ALDH3B2: variants seen among roughly 807,000 people sequenced by gnomAD.
ALDH3B2 encodes the protein aldehyde dehydrogenase family 3 member B2.
A neutral mutation model predicts 36.7 loss-of-function variants in ALDH3B2; 45 were observed. The ratio of observed to expected loss-of-function variants is 1.23; its 90% CI spans 0.97 to 1.57. ALDH3B2 has a LOEUF of 1.57. Ranked by LOEUF, ALDH3B2 falls within the 40% of genes most tolerant of loss-of-function variation. ALDH3B2 has a pLI of 0.00. For synonymous variants in ALDH3B2, 217 were observed against 226.5 expected, an observed-to-expected ratio of 0.96 and a Z score of 0.38; for missense variants, 464 against 513.3, an observed-to-expected ratio of 0.90 and a Z score of 0.93.
upstream of ALDH3B2, among the ~76,000 whole-genome samples, chr11:67,678,509 T>C (rs964438844): frequency 3.9e-5 from 6 of 152,056 alleles, no homozygotes; most frequent in African/African-American, 7.3e-5. Flanking sequence ...GCTGAAACTA[T>C]ACAAATTCTA....
At chr11:67,673,478 T>C (rs1335691336) in intron 1 of ALDH3B2, among the ~76,000 whole-genome samples, 1 of 151,492 alleles carries the variant, frequency 6.6e-6, no homozygotes, top group Non-Finnish European at 1.5e-5. Context: ...GGGGAAGCCG[T>C]AGGGGAGGGC....
chr11:67,672,316 C>T (rs1167906985), intron 1 of ALDH3B2, among the ~76,000 whole-genome samples: 13 of 150,428 alleles, frequency 8.6e-5, no homozygotes, highest in Admixed American at 6.6e-5. Context: ...CCACCATGCC[C>T]GGCTAATTTT....
intron 2 of ALDH3B2, 75 bp downstream of exon 2, chr11:67,667,397 AG>A: frequency 2.9e-6 from 1 of 347,228 alleles, no homozygotes. Context: ...GCCAGTCACT[AG>A]GGGGCACGGG....
intron 1 of ALDH3B2, among the ~76,000 whole-genome samples, chr11:67,672,587 A>G (rs910418389): frequency 2.0e-5 from 3 of 151,444 alleles, no homozygotes; most frequent in Non-Finnish European, 4.4e-5. Flanking sequence ...CCTTGGCAAA[A>G]TTAACTTTTT....
Position 67,665,495 on chromosome 11 carries a change from GGGCCACGCAGGTCT to G in ALDH3B2, c.482_495del (p.Gln161ProfsTer2). 6.2e-7 allele frequency: 1 copy of G among 1,614,114 alleles called. No homozygotes were observed. On this transcript the variant is annotated frameshift_variant, in exon 7 of 10. Transcript: ENST00000349015. LOFTEE classifies it high-confidence loss of function. ...TCGGGGCTGCACAGGACGTAGTCAG[GGGCCACGCAGGTCT>G]GGCCGGCATTGAAGTAGCAGAACCA...
chr11:67,666,951 C>T lies in ALDH3B2; in HGVS notation c.-16G>A, dbSNP rs781026325. 10 of 1,614,012 alleles carry T rather than the reference C, an allele frequency of 6.2e-6. No individual in the cohort carries two copies. The South Asian group carries it at 1.1e-4, about 18-fold the overall frequency. ...CATCCTTCATCCAGGCCTGCAGGTT[C>T]TTGAGAGCGTAGTCAACCTCGTTCT... On this transcript the variant is annotated 5_prime_UTR_variant, in exon 3 of 10. Transcript: ENST00000349015.
At chr11:67,669,286 G>C (rs1160726250) in intron 1 of ALDH3B2, among the ~76,000 whole-genome samples, 1 of 151,052 alleles carries the variant, frequency 6.6e-6, no homozygotes, top group Non-Finnish European at 1.5e-5. Flanking sequence ...GGGTGTTTGT[G>C]TATGGATGTC....
upstream of ALDH3B2, among the ~76,000 whole-genome samples, chr11:67,678,371 A>G (rs550679887): frequency 2.0e-5 from 3 of 152,318 alleles, no homozygotes; most frequent in Admixed American, 2.0e-4. Context: ...AAGTGGGGAA[A>G]GGACACCCTT....
At chr11:67,676,596 C>T (rs199555415), upstream of ALDH3B2, among the ~76,000 whole-genome samples, 2 of 151,494 alleles carry the variant, frequency 1.3e-5, no homozygotes, top group East Asian at 3.9e-4. Context: ...AAGGAAATAA[C>T]CAAGATTAGA....
chr11:67,670,501 C>T (rs555110841), intron 1 of ALDH3B2, among the ~76,000 whole-genome samples: 1 of 152,268 alleles, frequency 6.6e-6, no homozygotes, highest in African/African-American at 2.4e-5. Flanking sequence ...TTGGCATCCC[C>T]AGTGAGTGTC....
chr11:67,675,892 C>G (rs561457318), upstream of ALDH3B2, among the ~76,000 whole-genome samples: 31 of 152,288 alleles, frequency 2.0e-4, no homozygotes, highest in African/African-American at 7.2e-4. Flanking sequence ...ACTGAACTGA[C>G]AAGAAGCCTG....
At chr11:67,672,132 GTGTA>G (rs1565250221) in intron 1 of ALDH3B2, among the ~76,000 whole-genome samples, 1 of 96,478 alleles carries the variant, frequency 1.0e-5, no homozygotes, top group African/African-American at 4.8e-5. Context: ...GTGTGTGTGT[GTGTA>G]TATATATATG....
upstream of ALDH3B2, among the ~76,000 whole-genome samples, chr11:67,676,515 A>G (rs1198539094): frequency 6.6e-6 from 1 of 151,998 alleles, no homozygotes; most frequent in Non-Finnish European, 1.5e-5. Flanking sequence ...CTGAAAGAGC[A>G]CAGACAATCT....
chr11:67,664,101 T>A (rs536215746), intron 8 of ALDH3B2: 1 of 572,040 alleles, frequency 1.7e-6, no homozygotes, highest in East Asian at 3.0e-5. Context: ...CTCTGCTCTG[T>A]CCCTGACCTC....
intron 7 of ALDH3B2, 80 bp from the exon 8 acceptor site, chr11:67,664,642 G>C (rs1276426051): frequency 6.4e-7 from 1 of 1,553,414 alleles, no homozygotes; most frequent in African/African-American, 1.4e-5. Context: ...GGGGACAGGG[G>C]CATGGGCCAG....
At chr11:67,679,070 C>A (rs576671748), upstream of ALDH3B2, among the ~76,000 whole-genome samples, 19 of 152,190 alleles carry the variant, frequency 1.2e-4, no homozygotes, top group South Asian at 4.1e-4. Context: ...AAGTATGGTG[C>A]AGTGTATACT....
At chr11:67,674,716 T>A (rs982472420), upstream of ALDH3B2, 2 of 152,558 alleles carry the variant, frequency 1.3e-5, no homozygotes, top group South Asian at 2.1e-4. Flanking sequence ...CCAGGACCTA[T>A]AGCTGCTCGG....
chr11:67,669,757 TGTGTCTGTGTGTGTATGG>T (rs1471231514), intron 1 of ALDH3B2, among the ~76,000 whole-genome samples: 39 of 133,704 alleles, frequency 2.9e-4, no homozygotes, highest in Admixed American at 2.9e-4. Flanking sequence ...TGTGTCCACG[TGTGTCTGTGTGTGTATGG>T]GTGTCTGTGT....
At chr11:67,674,525 A>G in exon 1 of ALDH3B2, 1 of 158,906 alleles carries the variant, frequency 6.3e-6, no homozygotes, top group Non-Finnish European at 1.4e-5. Context: ...CTCTGCTCCT[A>G]CCCCCAGGCC....
Sources: gnomAD v4.1 joint callset for allele counts (sites outside exome capture counted in the v4.1 genomes callset) on GRCh38, gnomAD v4.1.1 for gene constraint, MANE v1.5 for transcripts, NCBI Gene and HGNC (gene_info 2026-07-23, HGNC 2026-07-21) for gene names.